SORL1: variants seen among roughly 807,000 people sequenced by gnomAD.
SORL1 encodes sortilin related receptor 1, also known as sortilin-related receptor.
A neutral mutation model predicts 273.7 loss-of-function variants in SORL1; 127 were observed. The ratio of observed to expected loss-of-function variants is 0.46; its 90% CI spans 0.40 to 0.54. SORL1 has a LOEUF of 0.54. Among genes scored for constraint, SORL1 ranks in the 20% least tolerant of loss-of-function variants. The pLI, the probability that SORL1 is intolerant of heterozygous loss-of-function variation, is 0.00. For synonymous variants in SORL1, 1,031 were observed against 1,067.4 expected, an observed-to-expected ratio of 0.97 and a Z score of 0.66; for missense variants, 2,494 against 2,846.1, an observed-to-expected ratio of 0.88 and a Z score of 2.81.
chr11:121,474,539 A>G (rs921838640), intron 2 of SORL1, among the ~76,000 whole-genome samples: 4 of 152,216 alleles, frequency 2.6e-5, no homozygotes, highest in Non-Finnish European at 2.9e-5. Context: ...TTCAAGGACC[A>G]TCTTTGTAGG....
intron 6 of SORL1, among the ~76,000 whole-genome samples, chr11:121,511,905 G>T (rs939464999): frequency 6.6e-6 from 1 of 152,180 alleles, no homozygotes; most frequent in Non-Finnish European, 1.5e-5. Flanking sequence ...GATAAGTGAA[G>T]CCAAAGTAAC....
At chr11:121,579,503 C>T (rs1439877633) in intron 25 of SORL1, among the ~76,000 whole-genome samples, 1 of 152,186 alleles carries the variant, frequency 6.6e-6, no homozygotes, top group African/African-American at 2.4e-5. Flanking sequence ...TTATTCACCT[C>T]AACCCACCGC....
In SORL1 at chr11:121,630,012, T is replaced by C; in HGVS notation, c.*449T>C. Reference sequence around the variant, plus strand: ...TAGTTTATAGGAAAGTGTGTGGATGTATTATGGCGGAAGGTTTCTTTATGT... The same window carrying C: ...TAGTTTATAGGAAAGTGTGTGGATGCATTATGGCGGAAGGTTTCTTTATGT... On this transcript the variant is annotated 3_prime_UTR_variant, in exon 48 of 48. Transcript: ENST00000260197. 1 of 165,848 alleles carries C rather than the reference T, an allele frequency of 6.0e-6. No homozygotes were observed. The highest frequency in any genetic ancestry group is 1.8e-4 in the East Asian group (1 of 5,654). The allele number at this position is 165,848 out of a possible 1,614,324, so 10.3% of individuals were successfully genotyped here. A position where few individuals can be genotyped will look rare whatever the true frequency, so the allele number is the denominator to read the frequency against.
At chr11:121,551,010 TAA>T (rs962890596) in intron 16 of SORL1, among the ~76,000 whole-genome samples, 1 of 152,196 alleles carries the variant, frequency 6.6e-6, no homozygotes, top group Non-Finnish European at 1.5e-5. Context: ...AAGTTGAGTA[TAA>T]AGAGGTGTGT....
In SORL1 at chr11:121,583,574, G is replaced by A. The variant is rs1217276748; in HGVS notation, c.3697G>A (p.Val1233Ile). The A allele has an allele frequency of 1.9e-6, 3 of 1,607,908 alleles. No homozygotes were observed. Among genetic ancestry groups the A allele is most frequent in the South Asian group, 2.2e-5 (2 of 90,382 alleles). ...DCQDGSDEDP[V>I]NCEKKCNGFR... ...CCAGGATGGTTCCGATGAGGATCCA[G>A]TCAACTGTGGTAAATGCAAATTCCC... Residue 1233 changes from valine (V) to isoleucine (I), a missense_variant, in exon 26 of 48, where the codon GTC becomes ATC. Val to Ile is a conservative substitution (Grantham distance 29). This residue lies in a region of SORL1 where 1,609 missense variants were observed against 1,816.4 expected (regional missense o/e 0.89). Coordinates refer to ENST00000260197, the MANE Select transcript of SORL1 (RefSeq NM_003105.6).
At chr11:121,518,045 T>C (rs1304023644) in intron 8 of SORL1, among the ~76,000 whole-genome samples, 1 of 152,198 alleles carries the variant, frequency 6.6e-6, no homozygotes, top group Admixed American at 6.5e-5. Context: ...TGGTGGGATG[T>C]GCCAGGTGGG....
In SORL1 at chr11:121,589,249, C is replaced by A; in HGVS notation, c.3947-10C>A. On this transcript the variant is annotated splice_polypyrimidine_tract_variant and intron_variant, in intron 28 of 47. Coordinates refer to ENST00000260197, the MANE Select transcript of SORL1 (RefSeq NM_003105.6). Reference sequence around the variant, plus strand: ...TTCCTGGACTTCATGGATGTTTGTTCCCTCTGTAGCCCAAGATCCTGAGTT... The same window carrying A: ...TTCCTGGACTTCATGGATGTTTGTTACCTCTGTAGCCCAAGATCCTGAGTT... 2 of 1,612,382 alleles carry A rather than the reference C, an allele frequency of 1.2e-6. No homozygotes were observed. The highest frequency in any genetic ancestry group is 2.2e-5 in the South Asian group (2 of 91,020).
chr11:121,486,480 CTTT>C (rs551145449), intron 3 of SORL1, among the ~76,000 whole-genome samples: 11 of 138,910 alleles, frequency 7.9e-5, no homozygotes, highest in South Asian at 2.3e-4. Context: ...TTCTTTCTTT[CTTT>C]TTTTTTTTTT....
chr11:121,566,517 T>A (rs1862756798), intron 21 of SORL1, among the ~76,000 whole-genome samples: 1 of 152,158 alleles, frequency 6.6e-6, no homozygotes, highest in Non-Finnish European at 1.5e-5. Flanking sequence ...CTTAAGTCTC[T>A]TTTAGTCTCC....
chr11:121,581,349 G>C (rs1354910993), intron 25 of SORL1, among the ~76,000 whole-genome samples: 1 of 152,208 alleles, frequency 6.6e-6, no homozygotes, highest in Non-Finnish European at 1.5e-5. Context: ...TGATGAATCA[G>C]GAAAGTTCTG....
intron 2 of SORL1, among the ~76,000 whole-genome samples, chr11:121,477,223 C>T (rs1013892320): frequency 6.6e-6 from 1 of 152,202 alleles, no homozygotes; most frequent in Non-Finnish European, 1.5e-5. Flanking sequence ...TCACATCTCA[C>T]AGGTAGGTAC....
chr11:121,550,719 C>A lies in SORL1; in HGVS notation c.2266+49C>A. On this transcript the variant is annotated intron_variant, in intron 16 of 47. Coordinates refer to ENST00000260197, the MANE Select transcript of SORL1 (RefSeq NM_003105.6). The surrounding 1 kb of genome is among the most constrained non-coding windows in gnomAD (Gnocchi z 5.3). Reference sequence around the variant, plus strand: ...TTCATTTCTTGAGACATGGTTGAAGCAGTATCACGATCTCACCCAAGTCCG... The same window carrying A: ...TTCATTTCTTGAGACATGGTTGAAGAAGTATCACGATCTCACCCAAGTCCG... 2 of 1,464,948 alleles carry A rather than the reference C, an allele frequency of 1.4e-6. No homozygotes were observed. Among genetic ancestry groups the A allele is most frequent in the Non-Finnish European group, 1.9e-6 (2 of 1,051,286 alleles). The allele number at this position is 1,464,948 out of a possible 1,614,324, so 90.7% of individuals were successfully genotyped here.
chr11:121,601,022 A>C, intron 32 of SORL1, among the ~76,000 whole-genome samples: 1 of 148,986 alleles, frequency 6.7e-6, no homozygotes, highest in African/African-American at 2.5e-5. Context: ...CATTAGGTAT[A>C]TCTCCCAGTG....
At chr11:121,624,450 G>A (rs1863765460) in intron 45 of SORL1, among the ~76,000 whole-genome samples, 1 of 152,146 alleles carries the variant, frequency 6.6e-6, no homozygotes, top group Admixed American at 6.5e-5. Flanking sequence ...CAGAGTCCAG[G>A]GCTGTAACTA....
intron 11 of SORL1, among the ~76,000 whole-genome samples, chr11:121,523,769 C>A (rs1862077819): frequency 6.6e-6 from 1 of 152,264 alleles, no homozygotes; most frequent in Non-Finnish European, 1.5e-5. Flanking sequence ...GGATGAGCAC[C>A]TTGTCATCGA....
chr11:121,622,298 T>C (rs1863734809), intron 45 of SORL1, 30 bp downstream of exon 45: 2 of 1,268,526 alleles, frequency 1.6e-6, no homozygotes, highest in Non-Finnish European at 2.3e-6. Context: ...TCAATGACTT[T>C]GGAAATTTAA....
rs535861003 is a variant in SORL1 at position 121,559,184 on chromosome 11, C to T, written c.2911-335C>T. ...CTCTGATGACTTCCGGTGAGCTCTG[C>T]ACCACCTATAGTGCCTTGCAGTTCT... On this transcript the variant is annotated intron_variant, in intron 20 of 47. Coordinates refer to ENST00000260197, the MANE Select transcript of SORL1 (RefSeq NM_003105.6). 1.9e-3 allele frequency among the ~76,000 whole-genome samples: 290 copies of T among 152,312 alleles called. 1 individual carries two copies. Among genetic ancestry groups the T allele is most frequent in the Non-Finnish European group, 3.5e-3 (238 of 68,032 alleles).
chr11:121,568,075 C>T (rs1425533490), intron 22 of SORL1, among the ~76,000 whole-genome samples: 5 of 152,050 alleles, frequency 3.3e-5, no homozygotes, highest in Admixed American at 2.0e-4. Flanking sequence ...TTTATAGGGA[C>T]GAGGTCTCAC....
chr11:121,578,290 T>G (rs1443479341), intron 25 of SORL1, among the ~76,000 whole-genome samples: 1 of 152,190 alleles, frequency 6.6e-6, no homozygotes, highest in East Asian at 1.9e-4. Context: ...CAGACTTCAT[T>G]GTGTAATTCA....
Sources: allele counts gnomAD v4.1 joint callset (sites outside exome capture counted in the v4.1 genomes callset), GRCh38; gene constraint gnomAD v4.1.1; regional missense constraint gnomAD v4.1.1; non-coding constraint Gnocchi (gnomAD v3.1); transcripts MANE v1.5; gene names NCBI Gene and HGNC (gene_info 2026-07-23, HGNC 2026-07-21).